Variants in COL4A3 observed in about 807,000 individuals in gnomAD.
COL4A3 encodes collagen alpha-3(IV) chain.
A neutral mutation model predicts 217.4 loss-of-function variants in COL4A3; 135 were observed. That is an observed-to-expected ratio of 0.62 (90% CI 0.54 to 0.72). COL4A3 has a LOEUF of 0.72. Ranked by LOEUF, COL4A3 falls within the 30% of genes least tolerant of loss-of-function variation. The pLI is 0.00. For synonymous variants in COL4A3, 690 were observed against 736.3 expected (o/e 0.94, Z 1.02); for missense variants, 1,868 against 2,119.9 (o/e 0.88, Z 2.33).
chr2:227,202,763 A>ATATATATTATATATATATATATG lies in COL4A3; in HGVS notation c.88-35198_88-35197insTATATATATATATATGTATATAT, dbSNP rs1553738341. 4.5e-3 allele frequency among the ~76,000 whole-genome samples: 487 copies of ATATATATTATATATATATATATG among 109,394 alleles called. 44 individuals are homozygous for ATATATATTATATATATATATATG. Among genetic ancestry groups the ATATATATTATATATATATATATG allele is most frequent in the Non-Finnish European group, 7.6e-3 (389 of 51,306 alleles). The allele number at this position is 109,394 out of a possible 152,430, so 71.8% of individuals were successfully genotyped here. On this transcript the variant is annotated intron_variant, in intron 1 of 51. Transcript: ENST00000396578. ...AAAAAAAAAATATATATATATATATATATATATATCACATATATATACACA... is the reference window on the plus strand; with the variant it reads ...AAAAAAAAAATATATATATATATATATATATATTATATATATATATATGTATATATATCACATATATATACACA...
In COL4A3 at chr2:227,311,849, G is replaced by A. The variant is rs1226647874; in HGVS notation, c.4992G>A (p.Val1664=). The A allele has an allele frequency of 6.2e-7, 1 of 1,613,942 alleles. No homozygotes were observed. Residue 1664 remains valine (V), a synonymous_variant, in exon 52 of 52, where the codon GTG becomes GTA. Coordinates refer to ENST00000396578, the MANE Select transcript of COL4A3 (RefSeq NM_000091.5). ...ELEKIISRCQ[V]CMKKRH ...AAAAAATAATAAGTCGCTGTCAGGTGTGCATGAAGAAAAGACACTGAAGCT... is the reference window on the plus strand; with the variant it reads ...AAAAAATAATAAGTCGCTGTCAGGTATGCATGAAGAAAAGACACTGAAGCT...
intron 31 of COL4A3, chr2:227,281,919 C>A (rs963980310): frequency 6.6e-6 from 1 of 152,556 alleles, no homozygotes; most frequent in African/African-American, 2.4e-5. Context: ...CACATGCGCA[C>A]GCATGCGTAA....
chr2:227,299,288 A>G (rs548032423), intron 43 of COL4A3, among the ~76,000 whole-genome samples: 201 of 152,292 alleles, frequency 1.3e-3, no homozygotes, highest in Non-Finnish European at 2.1e-3. Context: ...CCAGCTACTC[A>G]GGAGGCTGAG....
At chr2:227,229,162 C>T (rs11895653) in intron 1 of COL4A3, among the ~76,000 whole-genome samples, 27,448 of 152,082 alleles carry the variant, frequency 0.18, 2,615 homozygotes, top group Middle Eastern at 0.24. Context: ...GGGTGGCACA[C>T]GGGCACTGCG....
Position 227,253,590 on chromosome 2 carries a change from A to ACC in COL4A3, c.718_719dup (p.Pro241HisfsTer7). 6.2e-7 allele frequency: 1 copy of ACC among 1,614,052 alleles called. No homozygotes were observed. Among genetic ancestry groups the ACC allele is most frequent in the East Asian group, 2.2e-5 (1 of 44,886 alleles). On this transcript the variant is annotated frameshift_variant, in exon 13 of 52. Coordinates refer to ENST00000396578, the MANE Select transcript of COL4A3 (RefSeq NM_000091.5). LOFTEE classifies it high-confidence loss of function. The surrounding 1 kb of genome is among the most constrained non-coding windows in gnomAD (Gnocchi z 4.4). ...TGAAAGGGTTAACAGGACCCCCGGG[A>ACC]CCACCAGGAACAGTTATTGTGACCC...
At chr2:227,302,003 G>C (rs1574830882) in intron 43 of COL4A3, 4 of 152,332 alleles carry the variant, frequency 2.6e-5, no homozygotes, top group African/African-American at 9.6e-5. Context: ...TCAGGTAATA[G>C]CATTATCTCA....
intron 1 of COL4A3, among the ~76,000 whole-genome samples, chr2:227,192,421 C>T (rs139847485): frequency 9.4e-5 from 11 of 116,542 alleles, no homozygotes; most frequent in Non-Finnish European, 1.5e-4. Flanking sequence ...AGACCCTGAC[C>T]AGGGCAGGAT....
chr2:227,215,123 G>T (rs141200398), intron 1 of COL4A3, among the ~76,000 whole-genome samples: 51 of 151,910 alleles, frequency 3.4e-4, no homozygotes, highest in African/African-American at 1.2e-3. Flanking sequence ...TCATTTTGTG[G>T]ATAGGTCAAG....
chr2:227,226,688 T>C (rs922004741), intron 1 of COL4A3, among the ~76,000 whole-genome samples: 1 of 152,226 alleles, frequency 6.6e-6, no homozygotes, highest in Admixed American at 6.5e-5. Flanking sequence ...CAGGCTGGCC[T>C]TGAACTCCTG....
intron 38 of COL4A3, chr2:227,293,695 TG>T (rs1363518414): frequency 2.1e-6 from 1 of 480,448 alleles, no homozygotes; most frequent in African/African-American, 2.0e-5. Context: ...GCCAAAAGGC[TG>T]AGAAGTGATT....
At chr2:227,298,219 G>A (rs1471966346) in intron 42 of COL4A3, among the ~76,000 whole-genome samples, 1 of 152,130 alleles carries the variant, frequency 6.6e-6, no homozygotes, top group African/African-American at 2.4e-5. Context: ...TTGCTTGGTG[G>A]TGCATGCCTG....
chr2:227,225,620 A>G (rs902380167), intron 1 of COL4A3, among the ~76,000 whole-genome samples: 1 of 151,852 alleles, frequency 6.6e-6, no homozygotes, highest in African/African-American at 2.4e-5. Context: ...AGTGAGAAAA[A>G]TAAGAACGAG....
chr2:227,270,075 C>A, intron 24 of COL4A3, 95 bp downstream of exon 24: 1 of 971,794 alleles, frequency 1.0e-6, no homozygotes, highest in Non-Finnish European at 1.6e-6. Flanking sequence ...TGGTGCCTTG[C>A]AAACAGTAGG....
At position 227,303,851 on chromosome 2, in the gene COL4A3, G is replaced by A. The variant is rs1574834101; in HGVS notation, c.3956-8G>A. 1 of 1,613,828 alleles carries A rather than the reference G, an allele frequency of 6.2e-7. No individual in the cohort carries two copies. Among genetic ancestry groups the A allele is most frequent in the East Asian group, 2.2e-5 (1 of 44,884 alleles). ...GTGGAATCACACTGTGTCTTTGTTT[G>A]TTTTTAGGAGAAAAGGGTAATCCTG... On this transcript the variant is annotated splice_polypyrimidine_tract_variant and splice_region_variant and intron_variant, in intron 44 of 51. Coordinates refer to ENST00000396578, the MANE Select transcript of COL4A3 (RefSeq NM_000091.5).
intron 47 of COL4A3, among the ~76,000 whole-genome samples, chr2:227,306,077 C>T (rs2073488435): frequency 1.3e-5 from 2 of 152,296 alleles, no homozygotes; most frequent in Non-Finnish European, 2.9e-5. Flanking sequence ...AATCATTCAA[C>T]TTTCCTTAAA....
In COL4A3 at chr2:227,282,842, C is replaced by G. The variant is rs1233023807; in HGVS notation, c.2656+310C>G. Reference sequence around the variant, plus strand: ...AGAAGGGATATTGGTCTGTAGCGTTCTTGTGATGTCTTTGGTGTTGGTGTC... The same window carrying G: ...AGAAGGGATATTGGTCTGTAGCGTTGTTGTGATGTCTTTGGTGTTGGTGTC... On this transcript the variant is annotated intron_variant, in intron 32 of 51. Transcript: ENST00000396578. This position sits in a 1 kb window ranked among gnomAD's most constrained non-coding sequence, Gnocchi z 4.4. 6.6e-6 allele frequency among the ~76,000 whole-genome samples: 1 copy of G among 152,100 alleles called. No homozygotes were observed. The highest frequency in any genetic ancestry group is 2.4e-5 in the African/African-American group (1 of 41,398).
Position 227,298,693 on chromosome 2 carries a change from C to A in COL4A3, c.3763C>A (p.Pro1255Thr), listed in dbSNP as rs1036149436. The A allele has an allele frequency of 1.2e-6, 2 of 1,613,894 alleles. No homozygotes were observed. Among genetic ancestry groups the A allele is most frequent in the South Asian group, 2.2e-5 (2 of 91,024 alleles). Residue 1255 changes from proline (P) to threonine (T), a missense_variant, in exon 43 of 52, where the codon CCC becomes ACC. This residue lies in a region of COL4A3 where 1,503 missense variants were observed against 1,786.1 expected (regional missense o/e 0.84). Transcript: ENST00000396578. ...GSRGSPGAPG[P>T]PGPPGSHVIG... ...TTTCATGAATTCAGGTGCGCCTGGT[C>A]CCCCTGGACCTCCAGGGAGTCATGT...
chr2:227,301,846 T>C (rs1233541663), intron 43 of COL4A3: 1 of 152,222 alleles, frequency 6.6e-6, no homozygotes, highest in Non-Finnish European at 1.5e-5. Flanking sequence ...CTTGACCAGA[T>C]GGTTCTGTTT....
Position 227,282,290 on chromosome 2 carries a change from A to G in COL4A3, c.2489-75A>G, listed in dbSNP as rs1279982671. The stretch of plus-strand genomic sequence containing the variant: ...CCATCTTAAAAATATATATATATAT[A>G]TATATATATATTTCTGAAGTTAGTA... On this transcript the variant is annotated intron_variant, in intron 31 of 51. Coordinates refer to ENST00000396578, the MANE Select transcript of COL4A3 (RefSeq NM_000091.5). The surrounding 1 kb of genome is among the most constrained non-coding windows in gnomAD (Gnocchi z 4.4). 11 of 686,170 alleles carry G rather than the reference A, an allele frequency of 1.6e-5. No individual in the cohort carries two copies. The highest frequency in any genetic ancestry group is 1.2e-4 in the African/African-American group (6 of 50,824). The allele number at this position is 686,170 out of a possible 1,614,324, so 42.5% of individuals were successfully genotyped here.
Sources: gnomAD v4.1 joint callset for allele counts (sites outside exome capture counted in the v4.1 genomes callset) on GRCh38, gnomAD v4.1.1 for gene constraint, gnomAD v4.1.1 regional missense constraint, Gnocchi (gnomAD v3.1) non-coding constraint, MANE v1.5 for transcripts, NCBI Gene and HGNC (gene_info 2026-07-23, HGNC 2026-07-21) for gene names.